The following PTPRG variants were observed in gnomAD, a reference collection of about 807,000 sequenced individuals.
The protein encoded by PTPRG is receptor-type tyrosine-protein phosphatase gamma.
A neutral mutation model predicts 165.3 loss-of-function variants in PTPRG; 102 were observed. That is an observed-to-expected ratio of 0.62 (90% CI 0.53 to 0.73). The LOEUF (loss-of-function observed/expected upper bound fraction) is 0.73, where lower values mean the gene tolerates loss of function less well. Among genes scored for constraint, PTPRG ranks in the 30% least tolerant of loss-of-function variants. The pLI is 0.00. For synonymous variants in PTPRG, 675 were observed against 669.5 expected (o/e 1.01, Z -0.13); for missense variants, 1,866 against 1,861.4 (o/e 1.00, Z -0.05).
chr3:62,273,810 T>G lies in PTPRG; in HGVS notation c.3431T>G (p.Val1144Gly), dbSNP rs146357666. 1.5e-5 allele frequency: 24 copies of G among 1,613,502 alleles called. No individual in the cohort carries two copies. Among genetic ancestry groups the G allele is most frequent in the East Asian group, 2.2e-5 (1 of 44,850 alleles). Reference sequence around the variant, plus strand: ...GTTAACAGCATCCTTATACCAGGAGTAGGAGGAAAGACACGACTGGAAAAG... The same window carrying G: ...GTTAACAGCATCCTTATACCAGGAGGAGGAGGAAAGACACGACTGGAAAAG... ...SYVNSILIPG[V>G]GGKTRLEKQF... is the part of the protein sequence containing the mutation. Residue 1144 changes from valine to glycine, a missense_variant, in exon 23 of 30, where the codon GTA becomes GGA. Coordinates refer to ENST00000474889, the MANE Select transcript of PTPRG (RefSeq NM_002841.4). This position sits in a 1 kb window ranked among gnomAD's most constrained non-coding sequence, Gnocchi z 4.1.
chr3:61,920,148 T>G (rs1239182209), intron 2 of PTPRG, among the ~76,000 whole-genome samples: 1 of 152,210 alleles, frequency 6.6e-6, no homozygotes, highest in Non-Finnish European at 1.5e-5. Flanking sequence ...ATCTCAGTTC[T>G]AGAACAAACT....
At chr3:62,000,669 G>T (rs1008122524) in intron 3 of PTPRG, among the ~76,000 whole-genome samples, 2 of 152,110 alleles carry the variant, frequency 1.3e-5, no homozygotes, top group Admixed American at 6.6e-5. Context: ...AGCCACCCCC[G>T]CTCTTCCTAT....
At chr3:61,989,911 G>C (rs904737310) in intron 3 of PTPRG, 107 bp downstream of exon 3, 3 of 1,231,376 alleles carry the variant, frequency 2.4e-6, no homozygotes, top group Non-Finnish European at 3.4e-6. Context: ...GCACATTGCT[G>C]TGGGGAGCCT....
At chr3:62,044,904 G>A (rs1468316602) in intron 4 of PTPRG, among the ~76,000 whole-genome samples, 1 of 152,084 alleles carries the variant, frequency 6.6e-6, no homozygotes, top group Non-Finnish European at 1.5e-5. Context: ...GGAAACTTGG[G>A]AGCATTCCTT....
At chr3:61,960,699 G>A (rs2040131418) in intron 2 of PTPRG, among the ~76,000 whole-genome samples, 1 of 152,100 alleles carries the variant, frequency 6.6e-6, no homozygotes, top group South Asian at 2.1e-4. Flanking sequence ...TGTCCCCCTT[G>A]CTTCTGGATC....
chr3:62,014,692 CTG>C (rs987147416), intron 4 of PTPRG, among the ~76,000 whole-genome samples: 15 of 152,282 alleles, frequency 9.9e-5, no homozygotes, highest in East Asian at 5.8e-4. Context: ...TAGCCTGCCT[CTG>C]TGTTTGCTTC....
In PTPRG at chr3:61,635,531, A is replaced by AT. The variant is rs575287218; in HGVS notation, c.85+73166dup. 1.3e-3 allele frequency among the ~76,000 whole-genome samples: 202 copies of AT among 151,418 alleles called. 1 individual carries two copies. The highest frequency in any genetic ancestry group is 5.9e-3 in the South Asian group (28 of 4,764). On this transcript the variant is annotated intron_variant, in intron 1 of 29. Transcript: ENST00000474889. Reference sequence around the variant, plus strand: ...ACCACCACGCCTGGCTAATTTTTGTATTTTTTTGTAGAGGTGGGGTTTCAC... The same window carrying AT: ...ACCACCACGCCTGGCTAATTTTTGTATTTTTTTTGTAGAGGTGGGGTTTCAC...
intron 2 of PTPRG, among the ~76,000 whole-genome samples, chr3:61,902,215 G>A (rs1350378865): frequency 6.6e-6 from 1 of 152,178 alleles, no homozygotes; most frequent in Non-Finnish European, 1.5e-5. Flanking sequence ...GGAACTGAAA[G>A]GGTTGGGCAT....
intron 7 of PTPRG, among the ~76,000 whole-genome samples, chr3:62,160,806 A>G (rs1576078745): frequency 6.6e-6 from 1 of 151,276 alleles, no homozygotes; most frequent in Admixed American, 6.6e-5. Flanking sequence ...AGGGGGTGCT[A>G]TCAAAAAGGC....
intron 2 of PTPRG, among the ~76,000 whole-genome samples, chr3:61,855,773 G>C (rs2037089130): frequency 6.6e-6 from 1 of 150,532 alleles, no homozygotes; most frequent in Non-Finnish European, 1.5e-5. Flanking sequence ...CTCACATTAG[G>C]AAGCTTGCTG....
At chr3:61,922,142 G>T (rs2039091997) in intron 2 of PTPRG, among the ~76,000 whole-genome samples, 1 of 152,158 alleles carries the variant, frequency 6.6e-6, no homozygotes, top group Non-Finnish European at 1.5e-5. Context: ...CTGCCCTGAG[G>T]ATTCCTTTTC....
At chr3:62,251,617 G>C (rs1701420995) in intron 15 of PTPRG, among the ~76,000 whole-genome samples, 2 of 152,048 alleles carry the variant, frequency 1.3e-5, no homozygotes, top group Non-Finnish European at 2.9e-5. Flanking sequence ...ACCAGCCTGG[G>C]TGACACAGTG....
chr3:62,163,582 A>G, intron 7 of PTPRG, among the ~76,000 whole-genome samples: 1 of 152,224 alleles, frequency 6.6e-6, no homozygotes, highest in Admixed American at 6.5e-5. Flanking sequence ...CATAGGTTTG[A>G]TAAATATAAG....
intron 2 of PTPRG, among the ~76,000 whole-genome samples, chr3:61,892,780 C>T (rs949926282): frequency 1.3e-5 from 2 of 151,044 alleles, no homozygotes; most frequent in African/African-American, 2.4e-5. Flanking sequence ...CGTGTCATTG[C>T]GCTCCAGCCT....
rs77862229 is a variant in PTPRG at position 61,810,700 on chromosome 3, T to C, written c.190+61718T>C. 2.6e-3 allele frequency among the ~76,000 whole-genome samples: 394 copies of C among 152,276 alleles called. 1 individual carries two copies. Among genetic ancestry groups the C allele is most frequent in the African/African-American group, 9.1e-3 (379 of 41,562 alleles). On this transcript the variant is annotated intron_variant, in intron 2 of 29. Transcript: ENST00000474889. Reference sequence around the variant, plus strand: ...TCTCAGCTCTGTCTGTGTAATGCAATTGTCCCTACAATGGCCTTTGACAGA... The same window carrying C: ...TCTCAGCTCTGTCTGTGTAATGCAACTGTCCCTACAATGGCCTTTGACAGA...
intron 2 of PTPRG, among the ~76,000 whole-genome samples, chr3:61,870,809 A>C (rs2037550098): frequency 6.6e-6 from 1 of 152,104 alleles, no homozygotes; most frequent in Non-Finnish European, 1.5e-5. Flanking sequence ...CATTCATAGT[A>C]ATAATAACTG....
chr3:61,771,991 C>T lies in PTPRG; in HGVS notation c.190+23009C>T, dbSNP rs191967487. 1.2e-3 allele frequency among the ~76,000 whole-genome samples: 153 copies of T among 132,538 alleles called. 1 individual carries two copies. In the East Asian group the frequency reaches 0.024, roughly 21 times the overall value. The allele number at this position is 132,538 out of a possible 152,430, so 87.0% of individuals were successfully genotyped here. On this transcript the variant is annotated intron_variant, in intron 2 of 29. Coordinates refer to ENST00000474889, the MANE Select transcript of PTPRG (RefSeq NM_002841.4). ...AGGAGAATCACTTGAACCTGAGAGG[C>T]GGAGGGTGCAGTGAGCCGAGACGAT...
chr3:61,618,735 A>G (rs1220605909), intron 1 of PTPRG, among the ~76,000 whole-genome samples: 7 of 152,182 alleles, frequency 4.6e-5, no homozygotes, highest in African/African-American at 7.2e-5. Context: ...TTTGGCTCAT[A>G]AAGCTGAACT....
intron 4 of PTPRG, among the ~76,000 whole-genome samples, chr3:62,049,192 A>C (rs1203270260): frequency 1.3e-5 from 2 of 152,034 alleles, no homozygotes; most frequent in African/African-American, 4.8e-5. Context: ...CTGACTCAGT[A>C]CTCAAGCTAT....
Sources: gnomAD v4.1 joint callset for allele counts (sites outside exome capture counted in the v4.1 genomes callset) on GRCh38, gnomAD v4.1.1 for gene constraint, Gnocchi (gnomAD v3.1) non-coding constraint, MANE v1.5 for transcripts, NCBI Gene and HGNC (gene_info 2026-07-23, HGNC 2026-07-21) for gene names.